Variants in HSD17B12 observed in about 807,000 individuals in gnomAD.
The protein encoded by HSD17B12 is hydroxysteroid 17-beta dehydrogenase 12.
In HSD17B12, 32 loss-of-function variants were observed where a neutral mutation model predicts 39.3. That is an observed-to-expected ratio of 0.81 (90% CI 0.61 to 1.09). The LOEUF is 1.09. Among genes scored for constraint, HSD17B12 ranks in the 50% least tolerant of loss-of-function variants. HSD17B12 has a pLI of 0.00. For missense variants in HSD17B12, 342 were observed against 382.9 expected, an observed-to-expected ratio of 0.89 and a Z score of 0.89; for synonymous variants, 150 against 146.7, an observed-to-expected ratio of 1.02 and a Z score of -0.16.
Position 43,815,474 on chromosome 11 carries a change from C to A in HSD17B12, c.429C>A (p.Tyr143Ter), listed in dbSNP as rs749103539. 2 of 1,580,408 alleles carry A rather than the reference C, an allele frequency of 1.3e-6. No homozygotes were observed. The highest frequency in any genetic ancestry group is 2.3e-5 in the East Asian group (1 of 44,444). ...NVGMSYEYPEYFLDVPDLDNV... is the reference protein window; with the variant it reads ...NVGMSYEYPE Reference sequence around the variant, plus strand: ...GAATGTCGTATGAGTATCCTGAATACTTTTTGGATGTTCCTGACTTGGACA... The same window carrying A: ...GAATGTCGTATGAGTATCCTGAATAATTTTTGGATGTTCCTGACTTGGACA... Residue 143 changes from tyrosine to a stop codon, truncating the protein, a stop_gained, in exon 5 of 11, where the codon TAC becomes TAA. Coordinates refer to ENST00000278353, the MANE Select transcript of HSD17B12 (RefSeq NM_016142.3). LOFTEE classifies it high-confidence loss of function.
chr11:43,636,167 T>G, the HSD17B12 span, among the ~76,000 whole-genome samples: 1 of 152,236 alleles, frequency 6.6e-6, no homozygotes, highest in Admixed American at 6.5e-5. Context: ...AATAATAAAT[T>G]TTAAATGGGC....
intron 3 of HSD17B12, among the ~76,000 whole-genome samples, chr11:43,757,231 T>G (rs1198953354): frequency 6.6e-6 from 1 of 152,176 alleles, no homozygotes; most frequent in Non-Finnish European, 1.5e-5. Flanking sequence ...AACACATCTT[T>G]ATTGAATGCC....
intron 1 of HSD17B12, among the ~76,000 whole-genome samples, chr11:43,704,443 T>C (rs1239724582): frequency 6.6e-6 from 1 of 152,220 alleles, no homozygotes; most frequent in African/African-American, 2.4e-5. Flanking sequence ...TATAGTTTAA[T>C]TCTCATCTAC....
At chr11:43,681,039 C>A (rs1403253871) in intron 1 of HSD17B12, 52 bp downstream of exon 1, 1 of 1,504,154 alleles carries the variant, frequency 6.6e-7, no homozygotes, top group South Asian at 1.3e-5. Context: ...CCGGACCAGG[C>A]CTGGGCCGTG....
At chr11:43,609,962 A>G in the HSD17B12 span, among the ~76,000 whole-genome samples, 2 of 152,188 alleles carry the variant, frequency 1.3e-5, no homozygotes, top group African/African-American at 4.8e-5. Flanking sequence ...AATCTATACC[A>G]ATGATTACCT....
chr11:43,740,307 A>T (rs1166706446), intron 1 of HSD17B12, among the ~76,000 whole-genome samples: 2 of 152,164 alleles, frequency 1.3e-5, no homozygotes, highest in Non-Finnish European at 2.9e-5. Flanking sequence ...CCTGGATGAT[A>T]TCAGTGACAT....
the HSD17B12 span, among the ~76,000 whole-genome samples, chr11:43,600,346 G>T: frequency 1.3e-5 from 2 of 150,890 alleles, no homozygotes; most frequent in Non-Finnish European, 1.5e-5. Context: ...ACAGCCCATT[G>T]GTACTGTTTC....
chr11:43,783,394 G>T (rs1347353555), intron 3 of HSD17B12, among the ~76,000 whole-genome samples: 5 of 149,670 alleles, frequency 3.3e-5, no homozygotes, highest in Non-Finnish European at 3.0e-5. Flanking sequence ...GGACTCCAAA[G>T]AGCTTTTTTT....
the HSD17B12 span, among the ~76,000 whole-genome samples, chr11:43,597,203 G>A: frequency 6.6e-6 from 1 of 152,206 alleles, no homozygotes; most frequent in African/African-American, 2.4e-5. Flanking sequence ...GGTGGTCAGT[G>A]GGTCAGGAGC....
intron 9 of HSD17B12, chr11:43,853,035 A>T (rs1844215541): frequency 6.6e-6 from 1 of 152,212 alleles, no homozygotes; most frequent in African/African-American, 2.4e-5. Context: ...CAAAGCACAC[A>T]CGTACATAAA....
intron 1 of HSD17B12, among the ~76,000 whole-genome samples, chr11:43,729,275 A>G (rs1211984338): frequency 1.3e-5 from 2 of 152,222 alleles, no homozygotes; most frequent in East Asian, 1.9e-4. Context: ...AGAATTTAAT[A>G]AAATACCAAG....
In HSD17B12 at chr11:43,708,757, A is replaced by G. The variant is rs531429904; in HGVS notation, c.160+27770A>G. The stretch of plus-strand genomic sequence containing the variant: ...CCACCTCATCTTTTATTTATACTTC[A>G]TAGATCATGATATTTGGAGCATATT... On this transcript the variant is annotated intron_variant, in intron 1 of 10. Coordinates refer to ENST00000278353, the MANE Select transcript of HSD17B12 (RefSeq NM_016142.3). Among the ~76,000 whole-genome samples, 3 of 152,332 alleles carry G rather than the reference A, an allele frequency of 2.0e-5. No homozygotes were observed. The East Asian group carries it at 5.8e-4, about 29-fold the overall frequency.
chr11:43,568,437 C>G, the HSD17B12 span, among the ~76,000 whole-genome samples: 2 of 152,028 alleles, frequency 1.3e-5, no homozygotes, highest in Non-Finnish European at 2.9e-5. Flanking sequence ...ATTCAGCCCT[C>G]GAGGCAATTA....
the HSD17B12 span, among the ~76,000 whole-genome samples, chr11:43,619,226 A>ATG: frequency 2.8e-5 from 1 of 36,268 alleles, no homozygotes; most frequent in East Asian, 4.1e-4. Context: ...ATATATATAT[A>ATG]TGATATATAT....
chr11:43,690,356 TCATA>T lies in HSD17B12; in HGVS notation c.160+9374_160+9377del, dbSNP rs1219825791. Among the ~76,000 whole-genome samples the T allele has an allele frequency of 4.2e-4, 44 of 104,446 alleles. 1 individual carries two copies. The highest frequency in any genetic ancestry group is 1.7e-3 in the African/African-American group (41 of 23,996). The allele number at this position is 104,446 out of a possible 152,430, so 68.5% of individuals were successfully genotyped here. A position where few individuals can be genotyped will look rare whatever the true frequency, so the allele number is the denominator to read the frequency against. On this transcript the variant is annotated intron_variant, in intron 1 of 10. Coordinates refer to ENST00000278353, the MANE Select transcript of HSD17B12 (RefSeq NM_016142.3). Reference sequence around the variant, plus strand: ...TGGAAATATCTGTTAAGTAAGGTATTCATACATATATATATATATATATATATAT... The same window carrying T: ...TGGAAATATCTGTTAAGTAAGGTATTCATATATATATATATATATATATAT...
At chr11:43,724,889 C>T (rs1950207367) in intron 1 of HSD17B12, among the ~76,000 whole-genome samples, 1 of 152,146 alleles carries the variant, frequency 6.6e-6, no homozygotes, top group Non-Finnish European at 1.5e-5. Flanking sequence ...GGGGCACATA[C>T]TTGAGAATAT....
chr11:43,825,207 T>G lies in HSD17B12; in HGVS notation c.502-5769T>G, dbSNP rs117669059. On this transcript the variant is annotated intron_variant, in intron 6 of 10. Transcript: ENST00000278353. ...TCTTCCACCCCATGATTCTCTGAAA[T>G]CAGAGTATGAGACCCTTTGCATGCT... Among the ~76,000 whole-genome samples, 993 of 152,186 alleles carry G rather than the reference T, an allele frequency of 6.5e-3. 8 individuals carry two copies. Among genetic ancestry groups the G allele is most frequent in the Non-Finnish European group, 0.01 (706 of 68,018 alleles).
Position 43,855,242 on chromosome 11 carries a change from G to T in HSD17B12, c.933G>T (p.Lys311Asn). ...TRAHYLKKTKKN is the reference protein window; with the variant it reads ...TRAHYLKKTKNN ...CTCACTATCTGAAGAAAACCAAGAA[G>T]AACTAAGCATTGATAACTGCATTGT... Residue 311 changes from lysine (K) to asparagine (N), a missense_variant, in exon 11 of 11, where the codon AAG becomes AAT. By Grantham distance (94) the Lys-to-Asn change is moderately conservative (BLOSUM62 0). Transcript: ENST00000278353. 1.9e-6 allele frequency: 3 copies of T among 1,597,256 alleles called. No individual in the cohort carries two copies. Among genetic ancestry groups the T allele is most frequent in the Non-Finnish European group, 2.6e-6 (3 of 1,168,980 alleles).
intron 3 of HSD17B12, among the ~76,000 whole-genome samples, chr11:43,761,489 T>C (rs578124204): frequency 1.3e-5 from 2 of 152,252 alleles, no homozygotes; most frequent in Non-Finnish European, 2.9e-5. Flanking sequence ...AAACTTATTG[T>C]GGTAAAGGAA....
Sources: allele counts gnomAD v4.1 joint callset (sites outside exome capture counted in the v4.1 genomes callset), GRCh38; gene constraint gnomAD v4.1.1; transcripts MANE v1.5; gene names NCBI Gene and HGNC (gene_info 2026-07-23, HGNC 2026-07-21).